ACVR1: variants seen among roughly 807,000 people sequenced by gnomAD.
ACVR1 encodes the protein activin A receptor type 1.
A neutral mutation model predicts 57.1 loss-of-function variants in ACVR1; 38 were observed. The ratio of observed to expected loss-of-function variants is 0.67; its 90% confidence interval spans 0.51 to 0.87. The LOEUF (loss-of-function observed/expected upper bound fraction) is 0.87. ACVR1 is among the 40% of genes least tolerant of loss of function. The pLI, the probability that ACVR1 is intolerant of heterozygous loss-of-function variation, is 0.00. For synonymous variants in ACVR1, 212 were observed against 228.1 expected (o/e 0.93, Z 0.63); for missense variants, 463 against 638.2 (o/e 0.73, Z 2.96).
At chr2:157,805,127 T>C (rs1687470115) in intron 2 of ACVR1, among the ~76,000 whole-genome samples, 1 of 152,230 alleles carries the variant, frequency 6.6e-6, no homozygotes, top group Non-Finnish European at 1.5e-5. Flanking sequence ...ACAGCATGTT[T>C]CTGAAAACTA....
chr2:157,818,018 A>G (rs565982737), intron 2 of ACVR1, among the ~76,000 whole-genome samples: 7 of 151,882 alleles, frequency 4.6e-5, no homozygotes, highest in Admixed American at 3.3e-4. Context: ...AAAAAAAACA[A>G]AAGAAAAGAA....
In ACVR1 at chr2:157,798,816, C is replaced by T. The variant is rs189439346; in HGVS notation, c.67+611G>A. 2.4e-4 allele frequency among the ~76,000 whole-genome samples: 36 copies of T among 152,190 alleles called. No homozygotes were observed. The South Asian group carries it at 6.2e-3, about 26-fold the overall frequency. ...GTGCTGGGATTACAGGCATGAGCCA[C>T]GGCACCCAGCCTCGCATTTGTTTAA... On this transcript the variant is annotated intron_variant, in intron 3 of 10. Coordinates refer to ENST00000434821, the MANE Select transcript of ACVR1 (RefSeq NM_001111067.4).
At chr2:157,817,270 T>C (rs1687973187) in intron 2 of ACVR1, among the ~76,000 whole-genome samples, 1 of 152,172 alleles carries the variant, frequency 6.6e-6, no homozygotes, top group African/African-American at 2.4e-5. Context: ...GCTCAAGGCT[T>C]CTTTATGCTT....
At chr2:157,845,184 A>C (rs184258291) in intron 1 of ACVR1, among the ~76,000 whole-genome samples, 66 of 152,324 alleles carry the variant, frequency 4.3e-4, no homozygotes, top group Non-Finnish European at 7.2e-4. Context: ...ATGACTGCTG[A>C]CTGAGGTAGT....
chr2:157,786,245 C>G (rs1686706277), intron 3 of ACVR1, among the ~76,000 whole-genome samples: 1 of 152,212 alleles, frequency 6.6e-6, no homozygotes, highest in Non-Finnish European at 1.5e-5. Context: ...GTCACCTTTC[C>G]TATAGATTGT....
At chr2:157,806,811 G>A (rs1454372597) in intron 2 of ACVR1, 1 of 152,162 alleles carries the variant, frequency 6.6e-6, no homozygotes, top group Admixed American at 6.5e-5. Flanking sequence ...ACACTCTGTC[G>A]GAACTGGCAA....
intron 1 of ACVR1, among the ~76,000 whole-genome samples, chr2:157,826,034 C>A (rs868553525): frequency 2.0e-5 from 3 of 152,150 alleles, no homozygotes; most frequent in Non-Finnish European, 4.4e-5. Context: ...TGTTGCCTGG[C>A]AGGAATGTGG....
At chr2:157,846,642 C>T (rs1283846715) in intron 1 of ACVR1, among the ~76,000 whole-genome samples, 1 of 152,186 alleles carries the variant, frequency 6.6e-6, no homozygotes, top group African/African-American at 2.4e-5. Flanking sequence ...GTTCCAGAAA[C>T]AATTTAAGAA....
chr2:157,827,783 G>A (rs939128123), intron 1 of ACVR1, among the ~76,000 whole-genome samples: 1 of 152,134 alleles, frequency 6.6e-6, no homozygotes, highest in Admixed American at 6.5e-5. Flanking sequence ...CAGGTCGATG[G>A]AGGTAACACT....
At chr2:157,753,548 A>C (rs977458367) in intron 9 of ACVR1, among the ~76,000 whole-genome samples, 2 of 152,176 alleles carry the variant, frequency 1.3e-5, no homozygotes, top group Non-Finnish European at 2.9e-5. Flanking sequence ...AGCCTTGTCC[A>C]GCAGGAAACT....
intron 1 of ACVR1, among the ~76,000 whole-genome samples, chr2:157,851,470 C>T (rs1454661165): frequency 1.3e-5 from 2 of 151,992 alleles, no homozygotes; most frequent in Non-Finnish European, 2.9e-5. Flanking sequence ...AGCAACAAGG[C>T]AGGCAGGATG....
chr2:157,779,305 A>T (rs982934304), intron 4 of ACVR1, among the ~76,000 whole-genome samples: 2 of 152,214 alleles, frequency 1.3e-5, no homozygotes, highest in African/African-American at 4.8e-5. Context: ...TTAACTCACA[A>T]AGTATAACAG....
intron 3 of ACVR1, among the ~76,000 whole-genome samples, chr2:157,794,963 C>T (rs1186767528): frequency 6.7e-6 from 1 of 149,174 alleles, no homozygotes; most frequent in Non-Finnish European, 1.5e-5. Flanking sequence ...TTAGACATTT[C>T]GGAGACAAAG....
intron 9 of ACVR1, among the ~76,000 whole-genome samples, chr2:157,759,404 C>T (rs951013567): frequency 1.3e-5 from 2 of 151,894 alleles, no homozygotes; most frequent in South Asian, 4.2e-4. Flanking sequence ...CAAGATGGAA[C>T]CAAAAGAAAA....
chr2:157,843,912 T>C (rs1388226164), intron 1 of ACVR1, among the ~76,000 whole-genome samples: 1 of 152,146 alleles, frequency 6.6e-6, no homozygotes, highest in Non-Finnish European at 1.5e-5. Flanking sequence ...TTTAATGGGG[T>C]TAGACTGCCA....
chr2:157,871,541 G>A (rs767858077), intron 1 of ACVR1, among the ~76,000 whole-genome samples: 3 of 152,152 alleles, frequency 2.0e-5, no homozygotes, highest in Non-Finnish European at 4.4e-5. Context: ...TACTTTCCCA[G>A]TCACAGAAAT....
At chr2:157,769,717 C>A (rs1006071023) in intron 7 of ACVR1, among the ~76,000 whole-genome samples, 6 of 152,186 alleles carry the variant, frequency 3.9e-5, no homozygotes. Context: ...GCACTCCAGG[C>A]AGCATTCACC....
At chr2:157,833,305 G>A (rs577652368) in intron 1 of ACVR1, among the ~76,000 whole-genome samples, 1 of 152,282 alleles carries the variant, frequency 6.6e-6, no homozygotes, top group Admixed American at 6.5e-5. Context: ...GTGGACTGAA[G>A]AGGAAGGGCA....
chr2:157,738,340 C>T lies in ACVR1; in HGVS notation c.1395+100G>A, dbSNP rs142620139. On this transcript the variant is annotated intron_variant, in intron 10 of 10. Coordinates refer to ENST00000434821, the MANE Select transcript of ACVR1 (RefSeq NM_001111067.4). ...ATAGGAAGAGAAAACAACAGATCCA[C>T]GGGACAGATCACTCAGATGCAATAC... 414 of 1,548,898 alleles carry T rather than the reference C, an allele frequency of 2.7e-4. 1 individual carries two copies. In the East Asian group the frequency reaches 4.2e-3, roughly 16 times the overall value.
Sources: gnomAD v4.1 joint callset for allele counts (sites outside exome capture counted in the v4.1 genomes callset) on GRCh38, gnomAD v4.1.1 for gene constraint, MANE v1.5 for transcripts, NCBI Gene and HGNC (gene_info 2026-07-23, HGNC 2026-07-21) for gene names.